Variants in AQP8 observed in about 807,000 individuals in gnomAD.
AQP8 encodes aquaporin 8, also known as aquaporin-8.
AQP8 carries 14 observed loss-of-function variants against 26.1 expected under a neutral mutation model. The ratio of observed to expected loss-of-function variants is 0.54; its 90% confidence interval spans 0.35 to 0.84. AQP8 has a LOEUF of 0.84. Among genes scored for constraint, AQP8 ranks in the 40% least tolerant of loss-of-function variants. The pLI is 0.01. For synonymous variants in AQP8, 131 were observed against 150.7 expected (o/e 0.87, Z 0.96); for missense variants, 301 against 340.5 (o/e 0.88, Z 0.91).
Position 25,228,721 on chromosome 16 carries a change from C to T in AQP8, c.*229C>T, listed in dbSNP as rs1478946765. ...ACCCCAGCCTGGGGAACACGCTGCC[C>T]GCACTGCCCAGAGAGCAGTGCAAAC... On this transcript the variant is annotated 3_prime_UTR_variant, in exon 6 of 6. Transcript: ENST00000219660. The T allele has an allele frequency of 1.1e-5, 6 of 530,072 alleles. No individual in the cohort carries two copies. The highest frequency in any genetic ancestry group is 1.7e-5 in the Non-Finnish European group (5 of 293,336). The allele number at this position is 530,072 out of a possible 1,614,324, so 32.8% of individuals were successfully genotyped here.
chr16:25,222,871 G>A lies in AQP8; in HGVS notation c.387+1288G>A, dbSNP rs532344073. Among the ~76,000 whole-genome samples, 22 of 152,214 alleles carry A rather than the reference G, an allele frequency of 1.4e-4. No homozygotes were observed. In the East Asian group the frequency reaches 3.5e-3, roughly 24 times the overall value. ...GAACACGCCCGGGACCTTCCTTCTC[G>A]GCTTCTGCTCTGAAAAGCAGTGGCC... On this transcript the variant is annotated intron_variant, in intron 3 of 5. Coordinates refer to ENST00000219660, the MANE Select transcript of AQP8 (RefSeq NM_001169.3).
chr16:25,223,356 G>A (rs368132939), intron 3 of AQP8, among the ~76,000 whole-genome samples: 9 of 152,248 alleles, frequency 5.9e-5, no homozygotes, highest in Non-Finnish European at 1.3e-4. Context: ...TCCTGTGGGG[G>A]CTTAGCAATG....
intron 4 of AQP8, among the ~76,000 whole-genome samples, chr16:25,226,448 G>A (rs1962634730): frequency 6.6e-6 from 1 of 152,068 alleles, no homozygotes; most frequent in Non-Finnish European, 1.5e-5. Context: ...ATACAGACAG[G>A]GTTTCACCAT....
intron 3 of AQP8, among the ~76,000 whole-genome samples, chr16:25,222,047 CA>C (rs1211174138): frequency 1.3e-5 from 2 of 152,010 alleles, no homozygotes; most frequent in African/African-American, 4.8e-5. Context: ...GGGTTACAGG[CA>C]TGAGCCACTG....
chr16:25,221,390 C>A (rs1962560046), intron 2 of AQP8, 67 bp from the exon 3 acceptor site: 1 of 1,581,816 alleles, frequency 6.3e-7, no homozygotes. Context: ...CTGGGACACA[C>A]TGTCTCAAGT....
At chr16:25,217,802 A>ACAGGCATGAGACAC (rs1482564385) in intron 2 of AQP8, among the ~76,000 whole-genome samples, 25 of 152,238 alleles carry the variant, frequency 1.6e-4, no homozygotes, top group African/African-American at 6.0e-4. Flanking sequence ...TTTTGGGATT[A>ACAGGCATGAGACAC]CAGGCATGAG....
chr16:25,227,576 G>A (rs1343867046), intron 5 of AQP8, among the ~76,000 whole-genome samples: 1 of 151,854 alleles, frequency 6.6e-6, no homozygotes, highest in Non-Finnish European at 1.5e-5. Flanking sequence ...TGCAACCTCC[G>A]CCCCCGGGTT....
At chr16:25,221,615 CCT>C in intron 3 of AQP8, 32 bp downstream of exon 3, 1 of 1,612,826 alleles carries the variant, frequency 6.2e-7, no homozygotes. Flanking sequence ...GGCTAGTCTT[CCT>C]CTCTGATGGG....
intron 5 of AQP8, among the ~76,000 whole-genome samples, chr16:25,227,504 CT>C (rs1962651729): frequency 1.3e-5 from 2 of 152,036 alleles, no homozygotes; most frequent in South Asian, 4.2e-4. Flanking sequence ...TTCTCCTTTT[CT>C]TTTTTTGACA....
intron 3 of AQP8, 67 bp downstream of exon 3, chr16:25,221,650 G>A (rs1326113754): frequency 6.3e-7 from 1 of 1,581,196 alleles, no homozygotes; most frequent in Non-Finnish European, 8.6e-7. Flanking sequence ...GCATATGTGG[G>A]TGTGTGTGTG....
Position 25,228,559 on chromosome 16 carries a change from G to C in AQP8, c.*67G>C. 6.4e-7 allele frequency: 1 copy of C among 1,553,970 alleles called. No individual in the cohort carries two copies. Among genetic ancestry groups the C allele is most frequent in the South Asian group, 1.1e-5 (1 of 89,474 alleles). ...CTCACCTGTCCCAGACTGAGGACAG[G>C]GGAGTTCCTGCATTTCCTGCCAGGG... On this transcript the variant is annotated 3_prime_UTR_variant, in exon 6 of 6. Transcript: ENST00000219660.
At chr16:25,220,318 C>T (rs1962544664) in intron 2 of AQP8, among the ~76,000 whole-genome samples, 1 of 152,156 alleles carries the variant, frequency 6.6e-6, no homozygotes, top group Admixed American at 6.5e-5. Context: ...CTTTCTCTCT[C>T]ATTGGGGAGT....
At position 25,219,622 on chromosome 16, in the gene AQP8, G is replaced by A. The variant is rs1249850377; in HGVS notation, c.261-1835G>A. ...CCCTTTGGGGCTCCCCTGGGAAGCC[G>A]CCTCACCCTGACTTCATCTGTGTAT... On this transcript the variant is annotated intron_variant, in intron 2 of 5. Transcript: ENST00000219660. Among the ~76,000 whole-genome samples the A allele has an allele frequency of 2.6e-5, 4 of 151,480 alleles. No individual in the cohort carries two copies. The South Asian group carries it at 6.2e-4, about 24-fold the overall frequency.
intron 2 of AQP8, among the ~76,000 whole-genome samples, chr16:25,221,248 C>T (rs1962558608): frequency 6.6e-6 from 1 of 151,990 alleles, no homozygotes; most frequent in Admixed American, 6.6e-5. Flanking sequence ...GGGCTTTGGA[C>T]TTAGAGGCTG....
Position 25,224,433 on chromosome 16 carries a change from G to T in AQP8, c.459G>T (p.Gln153His). ...AAFVTVQEQGQVAGALVAEII... is the reference protein window; with the variant it reads ...AAFVTVQEQGHVAGALVAEII... ...TTGTGACAGTCCAGGAGCAGGGGCA[G>T]GTGGCAGGGGCGTTGGTGGCAGAGA... Residue 153 changes from glutamine (Q) to histidine (H), a missense_variant, in exon 4 of 6, where the codon CAG becomes CAT. Gln to His is a conservative substitution (Grantham distance 24). Transcript: ENST00000219660. 1 of 1,614,212 alleles carries T rather than the reference G, an allele frequency of 6.2e-7. No individual in the cohort carries two copies. Among genetic ancestry groups the T allele is most frequent in the Non-Finnish European group, 8.5e-7 (1 of 1,180,044 alleles).
intron 4 of AQP8, among the ~76,000 whole-genome samples, chr16:25,226,867 G>A (rs899974688): frequency 6.6e-6 from 1 of 152,122 alleles, no homozygotes; most frequent in Non-Finnish European, 1.5e-5. Context: ...TGGACTGCAC[G>A]CCCAGCGGGG....
chr16:25,228,157 C>T (rs994285604), intron 5 of AQP8, among the ~76,000 whole-genome samples: 9 of 151,802 alleles, frequency 5.9e-5, no homozygotes, highest in African/African-American at 2.2e-4. Context: ...GTCCCAGCTA[C>T]TCGGGAGGCT....
Position 25,217,394 on chromosome 16 carries a change from T to G in AQP8, c.209T>G (p.Leu70Arg). The G allele has an allele frequency of 6.2e-7, 1 of 1,614,134 alleles. No homozygotes were observed. Among genetic ancestry groups the G allele is most frequent in the East Asian group, 2.2e-5 (1 of 44,882 alleles). ...GACACTGGGCTGCTGCAGCCGGCCCTGGCCCACGGGCTGGCTTTGGGGCTC... is the reference window on the plus strand; with the variant it reads ...GACACTGGGCTGCTGCAGCCGGCCCGGGCCCACGGGCTGGCTTTGGGGCTC... Reference protein sequence around the residue: ...GTDTGLLQPALAHGLALGLVI... With the variant: ...GTDTGLLQPARAHGLALGLVI... Residue 70 changes from leucine to arginine, a missense_variant, in exon 2 of 6, where the codon CTG becomes CGG. Physicochemically the swap from Leu to Arg is moderately radical, Grantham distance 102. Transcript: ENST00000219660.
In AQP8 at chr16:25,224,584, T is replaced by A. The variant is rs1478025745; in HGVS notation, c.602+8T>A. Reference sequence around the variant, plus strand: ...CGTGGATATCCTGGCTGGGTGAGTGTCCCTTGGCAGTGGGGTGACCATGCC... The same window carrying A: ...CGTGGATATCCTGGCTGGGTGAGTGACCCTTGGCAGTGGGGTGACCATGCC... On this transcript the variant is annotated splice_region_variant and intron_variant, in intron 4 of 5. Coordinates refer to ENST00000219660, the MANE Select transcript of AQP8 (RefSeq NM_001169.3). 8 of 1,607,286 alleles carry A rather than the reference T, an allele frequency of 5.0e-6. No individual in the cohort carries two copies.
Sources: gnomAD v4.1 joint callset for allele counts (sites outside exome capture counted in the v4.1 genomes callset) on GRCh38, gnomAD v4.1.1 for gene constraint, MANE v1.5 for transcripts, NCBI Gene and HGNC (gene_info 2026-07-23, HGNC 2026-07-21) for gene names.